The following SEZ6 variants were observed in gnomAD, a reference collection of about 807,000 sequenced individuals.
SEZ6 encodes seizure related 6 homolog, also known as seizure protein 6 homolog.
A neutral mutation model predicts 101.0 loss-of-function variants in SEZ6; 53 were observed. That is an observed-to-expected ratio of 0.52 (90% CI 0.42 to 0.66). The LOEUF (loss-of-function observed/expected upper bound fraction) is 0.66, where lower values mean the gene tolerates loss of function less well. SEZ6 is among the 30% of genes least tolerant of loss of function. The pLI is 0.00. For synonymous variants in SEZ6, 488 were observed against 512.2 expected (o/e 0.95, Z 0.64); for missense variants, 1,102 against 1,289.4 (o/e 0.85, Z 2.23).
intron 5 of SEZ6, among the ~76,000 whole-genome samples, chr17:28,963,127 G>GA (rs61378133): frequency 1.4e-3 from 156 of 110,250 alleles, no homozygotes; most frequent in Non-Finnish European, 1.7e-3. Flanking sequence ...CCGTCTCGAA[G>GA]AAAAAAAAAA....
intron 1 of SEZ6, among the ~76,000 whole-genome samples, chr17:28,995,416 C>T (rs1046795209): frequency 5.9e-5 from 9 of 151,824 alleles, no homozygotes; most frequent in South Asian, 2.1e-4. Context: ...CTGGAGAGAG[C>T]GCTAAGGTTT....
At chr17:28,992,637 A>G (rs1432173829) in intron 1 of SEZ6, among the ~76,000 whole-genome samples, 1 of 150,872 alleles carries the variant, frequency 6.6e-6, no homozygotes, top group Non-Finnish European at 1.5e-5. Context: ...GACCCGCCCC[A>G]GGGCCATCTG....
intron 1 of SEZ6, among the ~76,000 whole-genome samples, chr17:28,985,239 C>T (rs2041363190): frequency 6.6e-6 from 1 of 152,240 alleles, no homozygotes; most frequent in African/African-American, 2.4e-5. Flanking sequence ...GGCACGGACT[C>T]GTCGAAGATC....
chr17:28,981,947 G>C lies in SEZ6; in HGVS notation c.148C>G (p.Gln50Glu). The C allele has an allele frequency of 6.2e-7, 1 of 1,613,792 alleles. No individual in the cohort carries two copies. The highest frequency in any genetic ancestry group is 1.3e-5 in the African/African-American group (1 of 75,048). The change falls in exon 2 of 17, where the codon CAG becomes GAG. Residue 50 changes from glutamine to glutamate, a missense_variant. Gln to Glu is a conservative substitution (Grantham distance 29). Around this residue, in one of 3 missense-constraint regions of SEZ6, gnomAD observed 406 missense variants for 418.6 expected, o/e 0.97. Coordinates refer to ENST00000317338, the MANE Select transcript of SEZ6 (RefSeq NM_178860.5). ...ACAAAGTGGACGCCTCGTTCTGGCT[G>C]CTCAGGTGTGGGGGCTGCTGTCAGC... Reference protein sequence around the residue: ...GELTAAPTPEQPERGVHFVTT... With the variant: ...GELTAAPTPEEPERGVHFVTT...
intron 1 of SEZ6, among the ~76,000 whole-genome samples, chr17:28,988,666 C>T (rs192496898): frequency 6.6e-6 from 1 of 152,374 alleles, no homozygotes; most frequent in African/African-American, 2.4e-5. Context: ...TCTCACCACC[C>T]TCTCTTTCTT....
Position 28,959,495 on chromosome 17 carries a change from A to G in SEZ6, c.1772-23T>C. ...CGGCTGGAAGGCAGAGGAGGCCCAGAAGGGTCTTTTCAAGCTTACCATGGT... is the reference window on the plus strand; with the variant it reads ...CGGCTGGAAGGCAGAGGAGGCCCAGGAGGGTCTTTTCAAGCTTACCATGGT... On this transcript the variant is annotated intron_variant, in intron 8 of 16. Coordinates refer to ENST00000317338, the MANE Select transcript of SEZ6 (RefSeq NM_178860.5). The surrounding 1 kb of genome is among the most constrained non-coding windows in gnomAD (Gnocchi z 4.4). 1 of 1,607,994 alleles carries G rather than the reference A, an allele frequency of 6.2e-7. No individual in the cohort carries two copies. The highest frequency in any genetic ancestry group is 1.1e-5 in the South Asian group (1 of 91,040).
chr17:28,960,342 A>G (rs1378417728), intron 7 of SEZ6, 163 bp downstream of exon 7: 2 of 923,510 alleles, frequency 2.2e-6, no homozygotes, highest in Non-Finnish European at 3.3e-6. Flanking sequence ...CCGGACCCAA[A>G]GAGAGGGGCA....
intron 5 of SEZ6, among the ~76,000 whole-genome samples, chr17:28,962,058 A>G (rs567029942): frequency 4.7e-4 from 71 of 152,174 alleles, no homozygotes; most frequent in Non-Finnish European, 8.4e-4. Flanking sequence ...CCCTCAGGAT[A>G]GAGTTAAAGC....
At chr17:29,004,779 G>A (rs914653854) in intron 1 of SEZ6, among the ~76,000 whole-genome samples, 24 of 152,138 alleles carry the variant, frequency 1.6e-4, no homozygotes, top group African/African-American at 5.1e-4. Context: ...GGAGAAGGAC[G>A]TGGGTGCCAG....
Position 28,981,453 on chromosome 17 carries a change from G to A in SEZ6, c.642C>T (p.Ser214=). The A allele has an allele frequency of 6.4e-7, 1 of 1,565,372 alleles. No homozygotes were observed. The highest frequency in any genetic ancestry group is 8.7e-7 in the Non-Finnish European group (1 of 1,154,342). The change falls in exon 2 of 17, where the codon TCC becomes TCT. Residue 214 remains serine (S), a synonymous_variant. Transcript: ENST00000317338. Reference sequence around the variant, plus strand: ...CCTCATCATCTCCTGAAGCTGTGGAGGAGGTGATGGTCCCCTGGATCCCGA... The same window carrying A: ...CCTCATCATCTCCTGAAGCTGTGGAAGAGGTGATGGTCCCCTGGATCCCGA... ...AGIGIQGTIT[S]STASGDDEET...
rs148648798 is a variant in SEZ6, at chr17:28,959,073, C to T, written c.2059G>A (p.Gly687Arg). The T allele has an allele frequency of 3.3e-5, 54 of 1,613,940 alleles. 1 individual carries two copies. The East Asian group carries it at 4.5e-4, about 13-fold the overall frequency. The stretch of plus-strand genomic sequence containing the variant: ...TGCTGGTAGCCCAGCACTGAGGTCC[C>T]GGGGTCCGACTGGAACTGAATGGTG... ...DVTIQFQSDP[G>R]TSVLGYQQGF... Residue 687 changes from glycine (G) to arginine (R), a missense_variant, in exon 10 of 17, where the codon GGG (glycine) becomes AGG (arginine). Gly to Arg is a moderately radical substitution (Grantham distance 125, BLOSUM62 -2). This residue lies in a region of SEZ6 where 556 missense variants were observed against 735.1 expected (regional missense o/e 0.76). Coordinates refer to ENST00000317338, the MANE Select transcript of SEZ6 (RefSeq NM_178860.5). This position sits in a 1 kb window ranked among gnomAD's most constrained non-coding sequence, Gnocchi z 4.4.
Position 28,981,460 on chromosome 17 carries a change from A to G in SEZ6, c.635T>C (p.Ile212Thr). 8 of 1,569,388 alleles carry G rather than the reference A, an allele frequency of 5.1e-6. No homozygotes were observed. The highest frequency in any genetic ancestry group is 6.1e-6 in the Non-Finnish European group (7 of 1,156,606). Reference protein sequence around the residue: ...QGAGIGIQGTITSSTASGDDE... With the variant: ...QGAGIGIQGTTTSSTASGDDE... The stretch of plus-strand genomic sequence containing the variant: ...ATCTCCTGAAGCTGTGGAGGAGGTG[A>G]TGGTCCCCTGGATCCCGATCCCTGC... Residue 212 changes from isoleucine (I) to threonine (T), a missense_variant, in exon 2 of 17, where the codon ATC (isoleucine) becomes ACC (threonine). Around this residue, in one of 3 missense-constraint regions of SEZ6, gnomAD observed 406 missense variants for 418.6 expected, o/e 0.97. Transcript: ENST00000317338.
At chr17:29,001,770 C>G (rs554593976) in intron 1 of SEZ6, among the ~76,000 whole-genome samples, 10 of 152,220 alleles carry the variant, frequency 6.6e-5, no homozygotes, top group Non-Finnish European at 1.5e-4. Flanking sequence ...CTGCTTCCCA[C>G]CACCCAGCTG....
chr17:28,959,250 C>G lies in SEZ6; in HGVS notation c.1911-29G>C. 1 of 1,612,370 alleles carries G rather than the reference C, an allele frequency of 6.2e-7. No individual in the cohort carries two copies. Among genetic ancestry groups the G allele is most frequent in the South Asian group, 1.1e-5 (1 of 90,928 alleles). ...TGAAGGAGGAGCGTCAGGGCAGAGC[C>G]GGCCTGGGGGCCCGAGGATGGGCTG... On this transcript the variant is annotated intron_variant, in intron 9 of 16. Transcript: ENST00000317338. This position sits in a 1 kb window ranked among gnomAD's most constrained non-coding sequence, Gnocchi z 4.4.
At chr17:28,975,222 G>A (rs1477829397) in intron 3 of SEZ6, among the ~76,000 whole-genome samples, 1 of 152,202 alleles carries the variant, frequency 6.6e-6, no homozygotes, top group Non-Finnish European at 1.5e-5. Flanking sequence ...GTACCTTGGA[G>A]CCACCCTCTC....
At chr17:28,982,126 T>G in intron 1 of SEZ6, 87 bp from the exon 2 acceptor site, 8 of 1,458,670 alleles carry the variant, frequency 5.5e-6, no homozygotes, top group Non-Finnish European at 7.2e-6. Context: ...GGGCCCGCTC[T>G]CTTTTGACAG....
At chr17:28,990,937 A>G (rs1166107918) in intron 1 of SEZ6, among the ~76,000 whole-genome samples, 2 of 152,058 alleles carry the variant, frequency 1.3e-5, no homozygotes, top group African/African-American at 2.4e-5. Context: ...AGACAGTCTC[A>G]CTCTGTCACT....
chr17:28,999,149 T>G (rs935578233), intron 1 of SEZ6, among the ~76,000 whole-genome samples: 1 of 152,048 alleles, frequency 6.6e-6, no homozygotes, highest in Non-Finnish European at 1.5e-5. Flanking sequence ...TATTGGTGTT[T>G]GGGAAACAGA....
At chr17:28,974,453 C>T (rs1239868745) in intron 3 of SEZ6, among the ~76,000 whole-genome samples, 2 of 152,238 alleles carry the variant, frequency 1.3e-5, no homozygotes. Flanking sequence ...TGCTCCCTCA[C>T]AGCAACCATA....
Sources: allele counts gnomAD v4.1 joint callset (sites outside exome capture counted in the v4.1 genomes callset), GRCh38; gene constraint gnomAD v4.1.1; regional missense constraint gnomAD v4.1.1; non-coding constraint Gnocchi (gnomAD v3.1); transcripts MANE v1.5; gene names NCBI Gene and HGNC (gene_info 2026-07-23, HGNC 2026-07-21).